Variants in TNNI3K observed in about 807,000 individuals in gnomAD.
The protein encoded by TNNI3K is TNNI3 interacting kinase.
TNNI3K carries 140 observed loss-of-function variants against 114.5 expected under a neutral mutation model. The observed-to-expected ratio is 1.22, with a 90% CI of 1.07 to 1.41. The LOEUF is 1.41. TNNI3K is among the 40% of genes most tolerant of loss of function. The pLI is 0.00. For synonymous variants in TNNI3K, 347 were observed against 347.5 expected, an observed-to-expected ratio of 1.00 and a Z score of 0.02; for missense variants, 1,125 against 1,007.6, an observed-to-expected ratio of 1.12 and a Z score of -1.58.
intron 20 of TNNI3K, among the ~76,000 whole-genome samples, chr1:74,444,261 A>G (rs577370831): frequency 6.6e-6 from 1 of 152,262 alleles, no homozygotes; most frequent in African/African-American, 2.4e-5. Flanking sequence ...CAAGAAGACC[A>G]CATTGTCTCA....
intron 21 of TNNI3K, among the ~76,000 whole-genome samples, chr1:74,487,759 C>T (rs796367191): frequency 8.5e-5 from 13 of 152,250 alleles, no homozygotes; most frequent in African/African-American, 3.1e-4. Flanking sequence ...TTTGGAACTG[C>T]TCGTAATAAA....
At chr1:74,447,413 GA>G (rs1181012329) in intron 20 of TNNI3K, among the ~76,000 whole-genome samples, 36 of 148,290 alleles carry the variant, frequency 2.4e-4, no homozygotes, top group Middle Eastern at 3.4e-3. Context: ...AAATTTACAA[GA>G]AAAAAACAAA....
At chr1:74,448,325 C>T in intron 20 of TNNI3K, among the ~76,000 whole-genome samples, 1 of 143,260 alleles carries the variant, frequency 7.0e-6, no homozygotes, top group African/African-American at 2.6e-5. Context: ...TATCCTGAGA[C>T]TTTGCTGAAG....
At chr1:74,390,973 A>AAAAC (rs1553140471) in intron 17 of TNNI3K, among the ~76,000 whole-genome samples, 1 of 151,438 alleles carries the variant, frequency 6.6e-6, no homozygotes, top group African/African-American at 2.4e-5. Context: ...CCGAAAAAAA[A>AAAAC]AAAAAACTGT....
intron 4 of TNNI3K, among the ~76,000 whole-genome samples, chr1:74,262,449 C>A (rs1440105720): frequency 1.3e-5 from 2 of 151,666 alleles, no homozygotes; most frequent in African/African-American, 2.4e-5. Context: ...ATCTTAATTA[C>A]CTTTATATTT....
intron 21 of TNNI3K, among the ~76,000 whole-genome samples, chr1:74,464,330 C>T (rs1340390016): frequency 2.0e-5 from 3 of 152,094 alleles, no homozygotes; most frequent in African/African-American, 4.8e-5. Flanking sequence ...CTATTAAAAT[C>T]CTTGTGTTTT....
At chr1:74,475,294 C>A in intron 21 of TNNI3K, 1 of 643,606 alleles carries the variant, frequency 1.6e-6, no homozygotes, top group Non-Finnish European at 2.8e-6. Context: ...GACAAACTCA[C>A]CTTCTGTTCT....
intron 12 of TNNI3K, 32 bp from the exon 13 acceptor site, chr1:74,367,876 C>T: frequency 6.5e-7 from 1 of 1,544,732 alleles, no homozygotes; most frequent in Non-Finnish European, 8.7e-7. Context: ...ATGATCGCTA[C>T]TTTCAACTCT....
chr1:74,261,138 G>A (rs528831773), intron 4 of TNNI3K, among the ~76,000 whole-genome samples: 2 of 151,780 alleles, frequency 1.3e-5, no homozygotes, highest in Admixed American at 1.3e-4. Flanking sequence ...TTCTTCACAG[G>A]ACTCTTTTAA....
chr1:74,236,090 C>A lies in TNNI3K; in HGVS notation c.41-12C>A. 6.3e-7 allele frequency: 1 copy of A among 1,597,472 alleles called. No homozygotes were observed. The highest frequency in any genetic ancestry group is 1.1e-5 in the South Asian group (1 of 89,248). On this transcript the variant is annotated splice_polypyrimidine_tract_variant and intron_variant, in intron 1 of 24. Coordinates refer to ENST00000326637, the MANE Select transcript of TNNI3K (RefSeq NM_015978.3). ...CAACTATGAATCAATCTCATTTGTTCTTCTTTACTAGATGAATGGAAGAAA... is the reference window on the plus strand; with the variant it reads ...CAACTATGAATCAATCTCATTTGTTATTCTTTACTAGATGAATGGAAGAAA...
chr1:74,473,420 T>G (rs192549678), intron 21 of TNNI3K, among the ~76,000 whole-genome samples: 1 of 152,026 alleles, frequency 6.6e-6, no homozygotes, highest in Non-Finnish European at 1.5e-5. Flanking sequence ...TTTCATGAAA[T>G]TTTTTCATCC....
intron 9 of TNNI3K, among the ~76,000 whole-genome samples, chr1:74,343,441 C>T (rs1403357679): frequency 6.6e-6 from 1 of 152,146 alleles, no homozygotes; most frequent in Non-Finnish European, 1.5e-5. Flanking sequence ...CTGATGTTGC[C>T]AAGGCAACAG....
intron 21 of TNNI3K, among the ~76,000 whole-genome samples, chr1:74,465,102 G>A (rs575509363): frequency 6.6e-6 from 1 of 152,330 alleles, no homozygotes; most frequent in East Asian, 1.9e-4. Context: ...TGGGATGTGA[G>A]CTATTGAGAG....
At chr1:74,269,602 T>G (rs1457622345) in intron 4 of TNNI3K, among the ~76,000 whole-genome samples, 2 of 151,802 alleles carry the variant, frequency 1.3e-5, no homozygotes, top group African/African-American at 4.8e-5. Flanking sequence ...AGTAGAATTC[T>G]GAAACTGAGC....
chr1:74,430,692 A>G (rs1665854688), intron 17 of TNNI3K, among the ~76,000 whole-genome samples: 1 of 151,554 alleles, frequency 6.6e-6, no homozygotes, highest in South Asian at 2.1e-4. Flanking sequence ...AAAGAGATAA[A>G]TACTCACTTC....
At chr1:74,470,850 G>A (rs1019469925) in intron 21 of TNNI3K, 10 of 400,424 alleles carry the variant, frequency 2.5e-5, no homozygotes, top group Admixed American at 4.4e-5. Flanking sequence ...GATTCCTCGG[G>A]GACAAAGAAA....
At chr1:74,532,328 C>G (rs901060326) in intron 23 of TNNI3K, among the ~76,000 whole-genome samples, 1 of 152,094 alleles carries the variant, frequency 6.6e-6, no homozygotes, top group Admixed American at 6.6e-5. Flanking sequence ...GGATGTTTCT[C>G]TAAGAAGAAT....
chr1:74,505,766 G>A (rs554266295), intron 23 of TNNI3K, among the ~76,000 whole-genome samples: 5 of 152,120 alleles, frequency 3.3e-5, no homozygotes, highest in African/African-American at 4.8e-5. Context: ...GGCAACTAAC[G>A]AAATCTGAAA....
intron 20 of TNNI3K, among the ~76,000 whole-genome samples, chr1:74,461,363 C>G (rs1232526300): frequency 1.3e-5 from 2 of 151,946 alleles, no homozygotes; most frequent in Non-Finnish European, 2.9e-5. Flanking sequence ...GCCTGTAGTC[C>G]CAGCTATTTG....
Sources: gnomAD v4.1 joint callset for allele counts (sites outside exome capture counted in the v4.1 genomes callset) on GRCh38, gnomAD v4.1.1 for gene constraint, MANE v1.5 for transcripts, NCBI Gene and HGNC (gene_info 2026-07-23, HGNC 2026-07-21) for gene names.